FARS2: variants seen among roughly 807,000 people sequenced by gnomAD.
FARS2 encodes the protein phenylalanyl-tRNA synthetase 2, mitochondrial.
A neutral mutation model predicts 46.4 loss-of-function variants in FARS2; 40 were observed. The observed-to-expected ratio is 0.86, with a 90% CI of 0.67 to 1.12. The LOEUF (loss-of-function observed/expected upper bound fraction) is 1.12. Ranked by LOEUF, FARS2 falls within the 50% of genes most tolerant of loss-of-function variation. The probability of loss-of-function intolerance (pLI) is 0.00; values close to 1 mark genes in which losing one functional copy is unlikely to be tolerated. For synonymous variants in FARS2, 234 were observed against 214.9 expected (o/e 1.09, Z -0.78); for missense variants, 513 against 567.9 (o/e 0.90, Z 0.98).
intron 5 of FARS2, among the ~76,000 whole-genome samples, chr6:5,595,783 A>T (rs1324674248): frequency 6.6e-6 from 1 of 152,138 alleles, no homozygotes; most frequent in Non-Finnish European, 1.5e-5. Flanking sequence ...GACACCTTTA[A>T]TCCCCACTGG....
At chr6:5,443,412 C>G (rs529911753) in intron 4 of FARS2, among the ~76,000 whole-genome samples, 1 of 152,340 alleles carries the variant, frequency 6.6e-6, no homozygotes, top group East Asian at 1.9e-4. Context: ...GAAGCACTGT[C>G]TGCTATGAGA....
intron 1 of FARS2, among the ~76,000 whole-genome samples, chr6:5,262,641 A>G (rs1263682051): frequency 6.6e-6 from 1 of 152,312 alleles, no homozygotes; most frequent in Admixed American, 6.5e-5. Context: ...TCTTTAGTGT[A>G]CTTGCAACCT....
At chr6:5,271,942 A>AC (rs1765986640) in intron 1 of FARS2, among the ~76,000 whole-genome samples, 1 of 152,012 alleles carries the variant, frequency 6.6e-6, no homozygotes, top group African/African-American at 2.4e-5. Context: ...TACAGTAAGG[A>AC]CCCCCTGCCG....
rs1423645304 is a variant in FARS2 at position 5,534,723 on chromosome 6, G to A, written c.905-10457G>A. Among the ~76,000 whole-genome samples the A allele has an allele frequency of 8.6e-5, 13 of 151,950 alleles. No individual in the cohort carries two copies. In the East Asian group the frequency reaches 1.9e-3, roughly 23 times the overall value. On this transcript the variant is annotated intron_variant, in intron 4 of 6. Transcript: ENST00000274680. Reference sequence around the variant, plus strand: ...TGTGAATAATGCTGTTATGAACATCGGTGTGCAAGTGTCTGAGCTCCTTTA... The same window carrying A: ...TGTGAATAATGCTGTTATGAACATCAGTGTGCAAGTGTCTGAGCTCCTTTA...
intron 6 of FARS2, among the ~76,000 whole-genome samples, chr6:5,667,421 G>A (rs1778195620): frequency 6.6e-6 from 1 of 151,894 alleles, no homozygotes; most frequent in South Asian, 2.1e-4. Context: ...AGGAGGCTGA[G>A]GCAGGAGAAT....
intron 6 of FARS2, among the ~76,000 whole-genome samples, chr6:5,623,150 T>C (rs775053649): frequency 1.9e-4 from 29 of 152,324 alleles, no homozygotes; most frequent in Middle Eastern, 6.8e-3. Context: ...TAGATGACAC[T>C]ATCTATGTGA....
At chr6:5,624,490 G>A (rs959092305) in intron 6 of FARS2, among the ~76,000 whole-genome samples, 3 of 152,244 alleles carry the variant, frequency 2.0e-5, no homozygotes, top group African/African-American at 7.2e-5. Flanking sequence ...ACAGCAGCTA[G>A]GCAGGGAGAG....
At chr6:5,485,056 A>G (rs1175164019) in intron 4 of FARS2, among the ~76,000 whole-genome samples, 1 of 152,128 alleles carries the variant, frequency 6.6e-6, no homozygotes, top group Non-Finnish European at 1.5e-5. Context: ...AAAGAGGGAG[A>G]AAGCCCATGG....
At chr6:5,438,966 T>C (rs1228536260) in intron 4 of FARS2, among the ~76,000 whole-genome samples, 1 of 152,130 alleles carries the variant, frequency 6.6e-6, no homozygotes, top group African/African-American at 2.4e-5. Context: ...AAATTTTGGA[T>C]TGTATATTGC....
At chr6:5,662,709 G>C (rs557224033) in intron 6 of FARS2, among the ~76,000 whole-genome samples, 2 of 152,248 alleles carry the variant, frequency 1.3e-5, no homozygotes, top group Admixed American at 1.3e-4. Flanking sequence ...GCCCTTCATC[G>C]AGAAGCTAGC....
At chr6:5,338,224 TAG>T (rs1771298173) in intron 1 of FARS2, among the ~76,000 whole-genome samples, 1 of 152,198 alleles carries the variant, frequency 6.6e-6, no homozygotes, top group Admixed American at 6.5e-5. Flanking sequence ...TAGATTCAGG[TAG>T]AGTTATCTTT....
intron 2 of FARS2, among the ~76,000 whole-genome samples, chr6:5,377,982 T>C (rs1377876868): frequency 1.3e-5 from 2 of 152,200 alleles, no homozygotes; most frequent in Non-Finnish European, 1.5e-5. Flanking sequence ...TTATAAATAT[T>C]ACATAATTAA....
chr6:5,389,735 T>C (rs551739273), intron 2 of FARS2, among the ~76,000 whole-genome samples: 2 of 152,342 alleles, frequency 1.3e-5, no homozygotes, highest in Admixed American at 1.3e-4. Flanking sequence ...AATGTTACAA[T>C]GGAAAAATGC....
At chr6:5,497,186 T>G (rs927613214) in intron 4 of FARS2, among the ~76,000 whole-genome samples, 1 of 152,218 alleles carries the variant, frequency 6.6e-6, no homozygotes, top group South Asian at 2.1e-4. Flanking sequence ...GTTATCATTA[T>G]TATATAAAAT....
chr6:5,693,459 C>T lies in FARS2; in HGVS notation c.1218-77832C>T, dbSNP rs148345209. Among the ~76,000 whole-genome samples, 13 of 152,304 alleles carry T rather than the reference C, an allele frequency of 8.5e-5. No individual in the cohort carries two copies. The East Asian group carries it at 9.6e-4, about 11-fold the overall frequency. The stretch of plus-strand genomic sequence containing the variant: ...CTGAGCAGGATATTAATGGGCAAGG[C>T]GGCTAATGCGTTTGCATTGTTCTGC... On this transcript the variant is annotated intron_variant, in intron 6 of 6. Coordinates refer to ENST00000274680, the MANE Select transcript of FARS2 (RefSeq NM_006567.5).
intron 6 of FARS2, among the ~76,000 whole-genome samples, chr6:5,652,110 A>G (rs926690848): frequency 8.5e-5 from 13 of 152,200 alleles, no homozygotes; most frequent in Non-Finnish European, 1.3e-4. Flanking sequence ...GGGCACAGGC[A>G]TGGGCAGGAG....
At chr6:5,653,152 G>A (rs951219071) in intron 6 of FARS2, among the ~76,000 whole-genome samples, 8 of 152,092 alleles carry the variant, frequency 5.3e-5, no homozygotes, top group Admixed American at 4.6e-4. Context: ...AATATCAAGT[G>A]TTTATATATT....
chr6:5,714,118 C>T (rs764788320), intron 6 of FARS2, among the ~76,000 whole-genome samples: 4 of 152,078 alleles, frequency 2.6e-5, no homozygotes, highest in African/African-American at 4.8e-5. Flanking sequence ...TTTCAGAGTG[C>T]CATTTATAAA....
At chr6:5,731,357 CCCTCCAGACTCT>C (rs748341564) in intron 6 of FARS2, among the ~76,000 whole-genome samples, 4 of 152,078 alleles carry the variant, frequency 2.6e-5, no homozygotes, top group African/African-American at 4.8e-5. Flanking sequence ...CTCCATATAG[CCCTCCAGACTCT>C]CCTCCTCTGT....
Sources: allele counts gnomAD v4.1 joint callset (sites outside exome capture counted in the v4.1 genomes callset), GRCh38; gene constraint gnomAD v4.1.1; transcripts MANE v1.5; gene names NCBI Gene and HGNC (gene_info 2026-07-23, HGNC 2026-07-21).